The following TCEANC2 variants were observed in gnomAD, a reference collection of about 807,000 sequenced individuals.
The protein encoded by TCEANC2 is transcription elongation factor A N-terminal and central domain-containing protein 2.
A neutral mutation model predicts 22.8 loss-of-function variants in TCEANC2; 20 were observed. The observed-to-expected ratio is 0.88, with a 90% CI of 0.62 to 1.28. TCEANC2 has a LOEUF of 1.28. Among genes scored for constraint, TCEANC2 ranks in the 50% most tolerant of loss-of-function variants. TCEANC2 has a pLI of 0.00. For missense variants in TCEANC2, 251 were observed against 249.7 expected (o/e 1.01, Z -0.03); for synonymous variants, 84 against 95.5 (o/e 0.88, Z 0.70).
At chr1:54,073,334 C>A (rs181979626) in intron 3 of TCEANC2, among the ~76,000 whole-genome samples, 62 of 152,292 alleles carry the variant, frequency 4.1e-4, no homozygotes, top group Admixed American at 3.5e-3. Flanking sequence ...GGATTAACTT[C>A]TTTTGTTTCT....
chr1:54,067,194 C>A (rs1451254122), intron 2 of TCEANC2, among the ~76,000 whole-genome samples: 3 of 152,146 alleles, frequency 2.0e-5, no homozygotes, highest in African/African-American at 7.2e-5. Context: ...GGGCTGTTAC[C>A]CGCCGAATTC....
intron 3 of TCEANC2, among the ~76,000 whole-genome samples, chr1:54,074,132 A>C (rs1658104516): frequency 6.6e-6 from 1 of 152,198 alleles, no homozygotes; most frequent in Admixed American, 6.5e-5. Context: ...TATACTGGGG[A>C]GTCATTATCA....
chr1:54,076,805 A>C (rs985506371), intron 3 of TCEANC2, among the ~76,000 whole-genome samples: 2 of 152,224 alleles, frequency 1.3e-5, no homozygotes, highest in African/African-American at 4.8e-5. Flanking sequence ...AAAAATTCCT[A>C]TCCTTGTGAA....
In TCEANC2 at chr1:54,053,659, G is replaced by A. The variant is rs1657673510; in HGVS notation, c.-142G>A. 1 of 160,370 alleles carries A rather than the reference G, an allele frequency of 6.2e-6. No homozygotes were observed. Among genetic ancestry groups the A allele is most frequent in the Non-Finnish European group, 1.4e-5 (1 of 72,536 alleles). 9.9% of individuals were successfully genotyped at this position (160,370 alleles called of 1,614,324 possible). A position where few individuals can be genotyped will look rare whatever the true frequency, so the allele number is the denominator to read the frequency against. ...TTCAGAGGAACTACCGCCCTGGGAG[G>A]AAGCGTCTGTTTAGTTTCAACACAG... On this transcript the variant is annotated 5_prime_UTR_variant, in exon 1 of 5. Coordinates refer to ENST00000234827, the MANE Select transcript of TCEANC2 (RefSeq NM_153035.3).
In TCEANC2 at chr1:54,101,626, A is replaced by G. The variant is rs370993916; in HGVS notation, c.*5153A>G. 1 of 152,198 alleles carries G rather than the reference A, an allele frequency of 6.6e-6. No individual in the cohort carries two copies. Among genetic ancestry groups the G allele is most frequent in the South Asian group, 2.1e-4 (1 of 4,836 alleles). 9.4% of individuals were successfully genotyped at this position (152,198 alleles called of 1,614,324 possible). On this transcript the variant is annotated 3_prime_UTR_variant, in exon 5 of 5. Coordinates refer to ENST00000234827, the MANE Select transcript of TCEANC2 (RefSeq NM_153035.3). ...TGAAGACTGTAAACAGACAATAAAC[A>G]GACAATTTTTACTATTTATTTTTAT...
In TCEANC2 at chr1:54,054,390, C is replaced by G. The variant is rs1452063355; in HGVS notation, c.-33C>G. ...CCTCTTTCTTGACCAGAACACGCTG[C>G]AAGCACGTCAAGGTAGTCGGAGTCC... On this transcript the variant is annotated 5_prime_UTR_variant, in exon 2 of 5. Coordinates refer to ENST00000234827, the MANE Select transcript of TCEANC2 (RefSeq NM_153035.3). 1 of 1,613,202 alleles carries G rather than the reference C, an allele frequency of 6.2e-7. No individual in the cohort carries two copies. The highest frequency in any genetic ancestry group is 8.5e-7 in the Non-Finnish European group (1 of 1,179,662).
rs1410918086 is a variant in TCEANC2, at chr1:54,093,421, G to A, written c.439-2864G>A. On this transcript the variant is annotated intron_variant, in intron 4 of 4. Coordinates refer to ENST00000234827, the MANE Select transcript of TCEANC2 (RefSeq NM_153035.3). ...ACTTGTTATACATAAGGTACATGAT[G>A]AATCATTTTCTATTATGATTTTAAT... Among the ~76,000 whole-genome samples, 12 of 152,274 alleles carry A rather than the reference G, an allele frequency of 7.9e-5. No homozygotes were observed. The East Asian group carries it at 2.3e-3, about 29-fold the overall frequency.
intron 2 of TCEANC2, among the ~76,000 whole-genome samples, chr1:54,066,160 G>A (rs957896362): frequency 6.6e-6 from 1 of 151,924 alleles, no homozygotes; most frequent in Non-Finnish European, 1.5e-5. Context: ...GCTGGCAGGA[G>A]GATTGCTTGA....
chr1:54,086,449 T>C (rs1311026324), intron 3 of TCEANC2, among the ~76,000 whole-genome samples: 1 of 152,198 alleles, frequency 6.6e-6, no homozygotes, highest in Non-Finnish European at 1.5e-5. Flanking sequence ...TAAATGAGTC[T>C]TAAAGGCCGA....
At chr1:54,092,482 C>CTATA (rs1275942269) in intron 4 of TCEANC2, among the ~76,000 whole-genome samples, 1 of 152,046 alleles carries the variant, frequency 6.6e-6, no homozygotes, top group Non-Finnish European at 1.5e-5. Context: ...ATTTTATCTG[C>CTATA]TATATATATG....
intron 4 of TCEANC2, 83 bp downstream of exon 4, chr1:54,088,873 C>A: frequency 1.9e-6 from 2 of 1,028,218 alleles, no homozygotes; most frequent in Non-Finnish European, 1.3e-6. Context: ...ATGTCCTGGT[C>A]GGATGTGATT....
chr1:54,095,742 C>T (rs1658534495), intron 4 of TCEANC2, among the ~76,000 whole-genome samples: 2 of 152,146 alleles, frequency 1.3e-5, no homozygotes, highest in African/African-American at 4.8e-5. Context: ...GGTCACAGTC[C>T]CAGCTCTGTC....
chr1:54,057,433 T>C (rs1657773647), intron 2 of TCEANC2, among the ~76,000 whole-genome samples: 1 of 149,260 alleles, frequency 6.7e-6, no homozygotes. Context: ...TCAAGCTATC[T>C]GCCCTCCTTG....
intron 2 of TCEANC2, among the ~76,000 whole-genome samples, chr1:54,057,381 G>A (rs1365136133): frequency 7.6e-6 from 1 of 130,876 alleles, no homozygotes; most frequent in East Asian, 2.4e-4. Context: ...TGTAGAGACA[G>A]GATTTCATCA....
intron 3 of TCEANC2, among the ~76,000 whole-genome samples, chr1:54,084,964 T>C (rs2100378488): frequency 6.6e-6 from 1 of 152,310 alleles, no homozygotes; most frequent in South Asian, 2.1e-4. Flanking sequence ...GCTTTGTGCA[T>C]TGGAATGCAC....
At chr1:54,063,470 T>C (rs558059458) in intron 2 of TCEANC2, among the ~76,000 whole-genome samples, 11 of 152,024 alleles carry the variant, frequency 7.2e-5, no homozygotes, top group Non-Finnish European at 1.6e-4. Context: ...TTATATGGAG[T>C]GGTGTGCTAT....
rs1041312907 is a variant in TCEANC2, at chr1:54,082,737, A to C, written c.245-5860A>C. 9.8e-5 allele frequency among the ~76,000 whole-genome samples: 15 copies of C among 152,306 alleles called. No homozygotes were observed. In the East Asian group the frequency reaches 1.4e-3, roughly 14 times the overall value. ...GAGGGGAGGGAGGAAGGAGGGCGAC[A>C]TGGTGACAGGTGAGGCCAAAGAGAT... On this transcript the variant is annotated intron_variant, in intron 3 of 4. Coordinates refer to ENST00000234827, the MANE Select transcript of TCEANC2 (RefSeq NM_153035.3).
chr1:54,079,395 C>T (rs1192288646), intron 3 of TCEANC2, among the ~76,000 whole-genome samples: 2 of 152,102 alleles, frequency 1.3e-5, no homozygotes, highest in South Asian at 2.1e-4. Flanking sequence ...CTAAAATGTT[C>T]TTATACCATG....
At chr1:54,068,676 GAGCCCCATT>G in intron 2 of TCEANC2, 71 bp from the exon 3 acceptor site, 3 of 1,399,922 alleles carry the variant, frequency 2.1e-6, no homozygotes, top group Non-Finnish European at 2.9e-6. Context: ...ATGTCAATAG[GAGCCCCATT>G]AGCTCAGGTG....
Sources: gnomAD v4.1 joint callset for allele counts (sites outside exome capture counted in the v4.1 genomes callset) on GRCh38, gnomAD v4.1.1 for gene constraint, MANE v1.5 for transcripts, NCBI Gene and HGNC (gene_info 2026-07-23, HGNC 2026-07-21) for gene names.